The following CARD10 variants were observed in gnomAD, a reference collection of about 807,000 sequenced individuals.
CARD10 encodes the protein caspase recruitment domain family member 10.
Under a neutral mutation model 114.6 loss-of-function variants are expected in CARD10, and 49 were observed. That is an observed-to-expected ratio of 0.43 (90% CI 0.34 to 0.54). The LOEUF is 0.54. Among genes scored for constraint, CARD10 ranks in the 20% least tolerant of loss-of-function variants. CARD10 has a pLI of 0.03. For missense variants in CARD10, 1,206 were observed against 1,397.2 expected (o/e 0.86, Z 2.18); for synonymous variants, 602 against 593.2 (o/e 1.01, Z -0.21).
At chr22:37,502,969 G>A (rs1309353423) in intron 10 of CARD10, among the ~76,000 whole-genome samples, 1 of 152,262 alleles carries the variant, frequency 6.6e-6, no homozygotes, top group African/African-American at 2.4e-5. Context: ...CCGGGAACAG[G>A]AGTGAGGCCC....
intron 5 of CARD10, 83 bp from the exon 6 acceptor site, chr22:37,508,037 G>T: frequency 6.5e-7 from 1 of 1,534,724 alleles, no homozygotes. Context: ...GAGGGCCAGT[G>T]AGAGACGCTC....
chr22:37,512,218 A>G (rs78500845), intron 3 of CARD10: 7,899 of 152,284 alleles, frequency 0.052, 334 homozygotes, highest in South Asian at 0.091. Context: ...GTGCATGGCC[A>G]GTTTGCTGGA....
intron 19 of CARD10, 40 bp downstream of exon 19, chr22:37,491,715 G>A (rs1413054062): frequency 8.0e-7 from 1 of 1,245,740 alleles, no homozygotes; most frequent in Non-Finnish European, 1.2e-6. Context: ...AAGCTCTCAG[G>A]TCCGAGTGCC....
chr22:37,497,036 T>G lies in CARD10; in HGVS notation c.1930A>C (p.Arg644=), dbSNP rs536739076. Residue 644 remains arginine (R), a synonymous_variant, in exon 12 of 20, where the codon AGG becomes CGG. Coordinates refer to ENST00000251973, the MANE Select transcript of CARD10 (RefSeq NM_014550.4). ...RRVLSGPGSA[R]MEPREQRVEA... Reference sequence around the variant, plus strand: ...GGCCTCACCTCTCTTGGTTCCATCCTGGCGGACCCAGGCCCAGACAGCACC... The same window carrying G: ...GGCCTCACCTCTCTTGGTTCCATCCGGGCGGACCCAGGCCCAGACAGCACC... 3 of 1,613,538 alleles carry G rather than the reference T, an allele frequency of 1.9e-6. No homozygotes were observed. The South Asian group carries it at 3.3e-5, about 18-fold the overall frequency.
In CARD10 at chr22:37,492,571, G is replaced by T. The variant is rs367987784; in HGVS notation, c.2636-21C>A. On this transcript the variant is annotated intron_variant, in intron 17 of 19. Coordinates refer to ENST00000251973, the MANE Select transcript of CARD10 (RefSeq NM_014550.4). This position sits in a 1 kb window ranked among gnomAD's most constrained non-coding sequence, Gnocchi z 5.7. ...GCTTTCTGCACAGGGAGTGGAGAGG[G>T]AGAGATGAAGGATCCATGGGCCCGG... is the stretch of plus-strand genomic sequence containing the variant. 6.2e-6 allele frequency: 10 copies of T among 1,602,886 alleles called. No individual in the cohort carries two copies. The African/African-American group carries it at 1.3e-4, about 21-fold the overall frequency.
intron 15 of CARD10, among the ~76,000 whole-genome samples, 153 bp downstream of exon 15, chr22:37,495,364 C>T (rs1208807220): frequency 1.3e-5 from 2 of 152,226 alleles, no homozygotes; most frequent in African/African-American, 4.8e-5. Flanking sequence ...CTCTGCTGTT[C>T]TGTTTGCTGG....
chr22:37,504,907 T>C (rs894350775), intron 7 of CARD10, 138 bp from the exon 8 acceptor site: 5 of 437,834 alleles, frequency 1.1e-5, no homozygotes, highest in African/African-American at 2.0e-5. Flanking sequence ...GAATGGGAGA[T>C]AAACTGTAAA....
chr22:37,497,191 A>G lies in CARD10; in HGVS notation c.1788-13T>C. 15 of 1,605,890 alleles carry G rather than the reference A, an allele frequency of 9.3e-6. No individual in the cohort carries two copies. Among genetic ancestry groups the G allele is most frequent in the African/African-American group, 1.3e-5 (1 of 74,602 alleles). Reference sequence around the variant, plus strand: ...AATAGCCAGAGACCTGAGAAGGGAGAAAGGAGATGAGAATTGGAGTCCAAT... The same window carrying G: ...AATAGCCAGAGACCTGAGAAGGGAGGAAGGAGATGAGAATTGGAGTCCAAT... On this transcript the variant is annotated splice_polypyrimidine_tract_variant and intron_variant, in intron 11 of 19. Transcript: ENST00000251973.
intron 18 of CARD10, 21 bp from the exon 19 acceptor site, chr22:37,491,888 A>T: frequency 6.5e-7 from 1 of 1,529,886 alleles, no homozygotes. Flanking sequence ...GATCGAGGCT[A>T]CAATGTACTC....
intron 3 of CARD10, among the ~76,000 whole-genome samples, chr22:37,514,366 TC>T (rs1416124282): frequency 6.6e-6 from 1 of 152,052 alleles, no homozygotes; most frequent in East Asian, 1.9e-4. Context: ...AGGAAAGCCT[TC>T]CCCATGCCAC....
In CARD10 at chr22:37,508,083, T is replaced by C. The variant is rs1342007411; in HGVS notation, c.1066-129A>G. The C allele has an allele frequency of 3.6e-6, 4 of 1,109,348 alleles. No individual in the cohort carries two copies. In the African/African-American group the frequency reaches 4.6e-5, roughly 13 times the overall value. 68.7% of individuals were successfully genotyped at this position (1,109,348 alleles called of 1,614,324 possible). A position where few individuals can be genotyped will look rare whatever the true frequency, so the allele number is the denominator to read the frequency against. The stretch of plus-strand genomic sequence containing the variant: ...TGAGACCCAATAACAAGTCCCCTCC[T>C]GCCCAGTGGAGTGGTCTGAGCCACT... On this transcript the variant is annotated intron_variant, in intron 5 of 19. Transcript: ENST00000251973.
intron 3 of CARD10, chr22:37,511,865 G>T (rs1923664120): frequency 6.6e-6 from 1 of 152,226 alleles, no homozygotes; most frequent in East Asian, 1.9e-4. Context: ...CAGTTCCAGG[G>T]TTCAGGTTTC....
chr22:37,507,868 G>T lies in CARD10; in HGVS notation c.1152C>A (p.Val384=). ...CDLYKHRMAT[V]LAQLEEIEKE... ...TCTCAATCTCCTCCAGTTGGGCCAG[G>T]ACAGTGGCCATGCGGTGCTTGTACA... Residue 384 remains valine (V), a synonymous_variant, in exon 6 of 20, where the codon GTC becomes GTA. Transcript: ENST00000251973. 3 of 1,614,202 alleles carry T rather than the reference G, an allele frequency of 1.9e-6. No individual in the cohort carries two copies. Among genetic ancestry groups the T allele is most frequent in the Non-Finnish European group, 2.5e-6 (3 of 1,180,014 alleles).
In CARD10 at chr22:37,491,446, GA is replaced by G. The variant is rs1289212746; in HGVS notation, c.2865-54del. On this transcript the variant is annotated intron_variant, in intron 19 of 19. Coordinates refer to ENST00000251973, the MANE Select transcript of CARD10 (RefSeq NM_014550.4). ...AAAGTGGGGGACCAAGACAGACAGAGAGACAGGGAGAGAGGGACAGACAAAG... is the reference window on the plus strand; with the variant it reads ...AAAGTGGGGGACCAAGACAGACAGAGGACAGGGAGAGAGGGACAGACAAAG... The G allele has an allele frequency of 8.5e-6, 11 of 1,296,216 alleles. No homozygotes were observed. In the Admixed American group the frequency reaches 2.8e-4, roughly 32 times the overall value. 80.3% of individuals were successfully genotyped at this position (1,296,216 alleles called of 1,614,324 possible).
Position 37,508,521 on chromosome 22 carries a change from C to A in CARD10, c.1065+6G>T, listed in dbSNP as rs145143750. The A allele has an allele frequency of 0.011, 17,842 of 1,586,180 alleles. 157 individuals are homozygous for A. The highest frequency in any genetic ancestry group is 0.012 in the Non-Finnish European group (14,450 of 1,172,822). Reference sequence around the variant, plus strand: ...CACAAGGGGCAGGGCACGGGCAGGGCCCCACCTGGTCGCGCAGCTCCTCGG... The same window carrying A: ...CACAAGGGGCAGGGCACGGGCAGGGACCCACCTGGTCGCGCAGCTCCTCGG... On this transcript the variant is annotated splice_donor_region_variant and intron_variant, in intron 5 of 19. Transcript: ENST00000251973.
chr22:37,516,313 C>G lies in CARD10; in HGVS notation c.374-15G>C, dbSNP rs1569168474. The G allele has an allele frequency of 2.2e-5, 34 of 1,560,858 alleles. No individual in the cohort carries two copies. The highest frequency in any genetic ancestry group is 8.2e-5 in the South Asian group (7 of 85,166). On this transcript the variant is annotated splice_polypyrimidine_tract_variant and intron_variant, in intron 2 of 19. Transcript: ENST00000251973. Reference sequence around the variant, plus strand: ...CCCCTCCTCATCTGCCAGGACAGAACAGGGGACAGAATAGGCAGCTCAGGC... The same window carrying G: ...CCCCTCCTCATCTGCCAGGACAGAAGAGGGGACAGAATAGGCAGCTCAGGC...
intron 3 of CARD10, 167 bp from the exon 4 acceptor site, chr22:37,510,588 G>T: frequency 1.6e-6 from 1 of 615,840 alleles, no homozygotes; most frequent in Non-Finnish European, 2.8e-6. Flanking sequence ...AGGCTGGACA[G>T]ATATAAAACA....
chr22:37,503,258 T>G, intron 9 of CARD10, 45 bp from the exon 10 acceptor site: 1 of 1,582,096 alleles, frequency 6.3e-7, no homozygotes, highest in Non-Finnish European at 8.6e-7. Context: ...TGAGGCACAG[T>G]GGGCACTCTG....
intron 16 of CARD10, among the ~76,000 whole-genome samples, chr22:37,493,214 G>A (rs1318458814): frequency 1.3e-5 from 2 of 152,132 alleles, no homozygotes; most frequent in African/African-American, 2.4e-5. Flanking sequence ...CCCTTCAGCT[G>A]CGTCCAACCA....
Sources: gnomAD v4.1 joint callset for allele counts (sites outside exome capture counted in the v4.1 genomes callset) on GRCh38, gnomAD v4.1.1 for gene constraint, Gnocchi (gnomAD v3.1) non-coding constraint, MANE v1.5 for transcripts, NCBI Gene and HGNC (gene_info 2026-07-23, HGNC 2026-07-21) for gene names.